ATP13A3: variants seen among roughly 807,000 people sequenced by gnomAD.
The protein encoded by ATP13A3 is ATPase 13A3, also known as polyamine-transporting ATPase 13A3.
ATP13A3 carries 59 observed loss-of-function variants against 158.1 expected under a neutral mutation model. The ratio of observed to expected loss-of-function variants is 0.37; its 90% CI spans 0.30 to 0.46. The LOEUF (loss-of-function observed/expected upper bound fraction) is 0.46, where lower values mean the gene tolerates loss of function less well. Among genes scored for constraint, ATP13A3 ranks in the 20% least tolerant of loss-of-function variants. The pLI is 1.00. For synonymous variants in ATP13A3, 491 were observed against 504.3 expected (o/e 0.97, Z 0.35); for missense variants, 1,166 against 1,525.2 (o/e 0.76, Z 3.92).
At chr3:194,445,913 A>C (rs1718369337) in intron 14 of ATP13A3, among the ~76,000 whole-genome samples, 1 of 152,214 alleles carries the variant, frequency 6.6e-6, no homozygotes, top group Admixed American at 6.5e-5. Context: ...TTTCACATAA[A>C]ATCAGTGACC....
chr3:194,438,974 T>TG lies in ATP13A3; in HGVS notation c.1711-3dup, dbSNP rs760022533. 6.5e-6 allele frequency: 10 copies of TG among 1,549,518 alleles called. No homozygotes were observed. The African/African-American group carries it at 1.3e-4, about 20-fold the overall frequency. Reference sequence around the variant, plus strand: ...TTCTTCAGTTGCTTCTTCCAGAATCTGGAAAAAAAAAAGAGACAAAAAAAA... The same window carrying TG: ...TTCTTCAGTTGCTTCTTCCAGAATCTGGGAAAAAAAAAAGAGACAAAAAAAA... On this transcript the variant is annotated splice_region_variant and splice_polypyrimidine_tract_variant and intron_variant, in intron 16 of 33. Transcript: ENST00000645319.
rs1228588078 is a variant in ATP13A3, at chr3:194,483,426, C to CAAAAAAAA, written c.-47+2360_-47+2367dup. 3.0e-4 allele frequency among the ~76,000 whole-genome samples: 36 copies of CAAAAAAAA among 120,378 alleles called. 1 individual carries two copies. Among genetic ancestry groups the CAAAAAAAA allele is most frequent in the Middle Eastern group, 5.0e-3 (1 of 202 alleles). The allele number at this position is 120,378 out of a possible 152,430, so 79.0% of individuals were successfully genotyped here. On this transcript the variant is annotated intron_variant, in intron 2 of 33. Transcript: ENST00000645319. ...GCAACACGGTGAAAACCCACCTCTA[C>CAAAAAAAA]AAAAAAAAAAAAAACTAGCTGGGTG...
At chr3:194,464,325 C>T (rs1018390927) in intron 2 of ATP13A3, among the ~76,000 whole-genome samples, 1 of 152,198 alleles carries the variant, frequency 6.6e-6, no homozygotes, top group Non-Finnish European at 1.5e-5. Context: ...AGAAACCTTA[C>T]ACACTATCGG....
chr3:194,490,459 C>A (rs1177940995), upstream of ATP13A3, among the ~76,000 whole-genome samples: 9 of 152,212 alleles, frequency 5.9e-5, no homozygotes, highest in African/African-American at 2.2e-4. This position sits in a 1 kb window ranked among gnomAD's most constrained non-coding sequence, Gnocchi z 4.4. Context: ...TGATAACATA[C>A]TCTATTTTGG....
rs76983821 is a variant in ATP13A3 at position 194,442,406 on chromosome 3, T to G, written c.1560-945A>C. On this transcript the variant is annotated intron_variant, in intron 15 of 33. Transcript: ENST00000645319. ...TGAGGCCAGGAGTTCAAAACCAGCC[T>G]GGGAAATATAGCGAGACACCCATAC... Among the ~76,000 whole-genome samples the G allele has an allele frequency of 7.2e-4, 110 of 152,228 alleles. 3 individuals carry two copies. The East Asian group carries it at 0.02, about 28-fold the overall frequency.
intron 2 of ATP13A3, among the ~76,000 whole-genome samples, chr3:194,463,560 C>T (rs1463264205): frequency 2.0e-5 from 3 of 152,032 alleles, no homozygotes; most frequent in Admixed American, 6.6e-5. Context: ...TTCAGCCCCC[C>T]GAGTGTGATA....
intron 17 of ATP13A3, among the ~76,000 whole-genome samples, chr3:194,438,185 G>C (rs1026193265): frequency 2.0e-5 from 3 of 151,990 alleles, no homozygotes; most frequent in Non-Finnish European, 2.9e-5. Context: ...ACTCTGGAAA[G>C]AACAAATATA....
At chr3:194,465,570 G>A (rs150073280) in intron 2 of ATP13A3, among the ~76,000 whole-genome samples, 246 of 152,218 alleles carry the variant, frequency 1.6e-3, no homozygotes, top group Middle Eastern at 3.4e-3. Context: ...GGGTATTCGG[G>A]TTTTTGCTTT....
chr3:194,457,015 A>G (rs1392763436), intron 7 of ATP13A3, 79 bp downstream of exon 7: 2 of 981,862 alleles, frequency 2.0e-6, no homozygotes, highest in East Asian at 2.5e-5. Context: ...ATGTACAACT[A>G]TATGGTAAAG....
At position 194,448,700 on chromosome 3, in the gene ATP13A3, A is replaced by G; in HGVS notation, c.971-64T>C. The G allele has an allele frequency of 6.8e-7, 1 of 1,461,392 alleles. No homozygotes were observed. The highest frequency in any genetic ancestry group is 1.4e-5 in the African/African-American group (1 of 70,324). The allele number at this position is 1,461,392 out of a possible 1,614,324, so 90.5% of individuals were successfully genotyped here. On this transcript the variant is annotated intron_variant, in intron 11 of 33. Coordinates refer to ENST00000645319, the MANE Select transcript of ATP13A3 (RefSeq NM_001367549.1). This position sits in a 1 kb window ranked among gnomAD's most constrained non-coding sequence, Gnocchi z 4.0. Reference sequence around the variant, plus strand: ...ATTATTAAACGAAAGCACAGGAATCAGTATCGAACACCAAAAAATATTAAA... The same window carrying G: ...ATTATTAAACGAAAGCACAGGAATCGGTATCGAACACCAAAAAATATTAAA...
At position 194,404,195 on chromosome 3, in the gene ATP13A3, T is replaced by C. The variant is rs1244124307; in HGVS notation, c.*1724A>G. 6 of 428,692 alleles carry C rather than the reference T, an allele frequency of 1.4e-5. No individual in the cohort carries two copies. Among genetic ancestry groups the C allele is most frequent in the South Asian group, 5.0e-5 (3 of 59,426 alleles). 26.6% of individuals were successfully genotyped at this position (428,692 alleles called of 1,614,324 possible). A position where few individuals can be genotyped will look rare whatever the true frequency, so the allele number is the denominator to read the frequency against. On this transcript the variant is annotated 3_prime_UTR_variant, in exon 34 of 34. Coordinates refer to ENST00000645319, the MANE Select transcript of ATP13A3 (RefSeq NM_001367549.1). ...AAGAGGTCTAAGATGCATAGCTTCA[T>C]AGAATCATTCATGGAACAACTGTTA...
At chr3:194,491,803 T>C (rs1423702710), upstream of ATP13A3, among the ~76,000 whole-genome samples, 1 of 119,050 alleles carries the variant, frequency 8.4e-6, no homozygotes, top group Admixed American at 8.6e-5. Flanking sequence ...TGCCCCCTCA[T>C]CTCTCACCTG....
chr3:194,430,626 G>A (rs765109746), intron 24 of ATP13A3, among the ~76,000 whole-genome samples: 11 of 152,082 alleles, frequency 7.2e-5, no homozygotes, highest in Admixed American at 2.0e-4. Context: ...TACTTTTAAC[G>A]TTATCAGTAA....
rs940956047 is a variant in ATP13A3 at position 194,461,508 on chromosome 3, C to G, written c.51+632G>C. ...TTTACTAATTGTCCCAATACCACTG[C>G]GACTAATCAATTTGATCCACTGACA... On this transcript the variant is annotated intron_variant, in intron 3 of 33. Coordinates refer to ENST00000645319, the MANE Select transcript of ATP13A3 (RefSeq NM_001367549.1). Among the ~76,000 whole-genome samples, 4 of 152,280 alleles carry G rather than the reference C, an allele frequency of 2.6e-5. No homozygotes were observed. In the South Asian group the frequency reaches 6.2e-4, roughly 24 times the overall value.
At chr3:194,493,373 C>G (rs369707285) in intron 2 of ATP13A3, among the ~76,000 whole-genome samples, 1 of 151,950 alleles carries the variant, frequency 6.6e-6, no homozygotes, top group African/African-American at 2.4e-5. Context: ...TTTAGCTGAG[C>G]GCACGGCTCA....
At chr3:194,439,958 T>C (rs1398331398) in intron 16 of ATP13A3, among the ~76,000 whole-genome samples, 2 of 152,170 alleles carry the variant, frequency 1.3e-5, no homozygotes, top group African/African-American at 4.8e-5. Context: ...GAGGCCTCCT[T>C]TTCAGAATTA....
In ATP13A3 at chr3:194,412,283, G is replaced by A; in HGVS notation, c.3489C>T (p.Phe1163=). The change falls in exon 33 of 34, where the codon TTC becomes TTT. Residue 1163 remains phenylalanine (F), a synonymous_variant. Transcript: ENST00000645319. ...NAFVSITVEN[F]FLDMVLWKVV... ...CTTTCCAAAGGACCATGTCAAGGAAGAAGTTCTGAGAGATATTCCAGTGAG... is the reference window on the plus strand; with the variant it reads ...CTTTCCAAAGGACCATGTCAAGGAAAAAGTTCTGAGAGATATTCCAGTGAG... The A allele has an allele frequency of 6.5e-7, 1 of 1,535,628 alleles. No homozygotes were observed. Among genetic ancestry groups the A allele is most frequent in the Non-Finnish European group, 8.7e-7 (1 of 1,146,286 alleles).
intron 2 of ATP13A3, among the ~76,000 whole-genome samples, chr3:194,481,199 A>G (rs539353370): frequency 5.4e-4 from 81 of 151,292 alleles, no homozygotes; most frequent in African/African-American, 1.9e-3. Context: ...TAACTAAAAT[A>G]TATTTCATCC....
chr3:194,460,722 C>A lies in ATP13A3; in HGVS notation c.161G>T (p.Arg54Leu). 6.2e-7 allele frequency: 1 copy of A among 1,614,138 alleles called. No homozygotes were observed. ...AGCTCTGACACAGGTCGCTTTCACCCGCCACTCAGGCATCCAATAGAGGAG... is the reference window on the plus strand; with the variant it reads ...AGCTCTGACACAGGTCGCTTTCACCAGCCACTCAGGCATCCAATAGAGGAG... Reference protein sequence around the residue: ...LLLLYWMPEWRVKATCVRAAI... With the variant: ...LLLLYWMPEWLVKATCVRAAI... The change falls in exon 4 of 34, where the codon CGG becomes CTG. Residue 54 changes from arginine (R) to leucine (L), a missense_variant. Arg to Leu is a moderately radical substitution (Grantham distance 102, BLOSUM62 -2). Coordinates refer to ENST00000645319, the MANE Select transcript of ATP13A3 (RefSeq NM_001367549.1).
Sources: gnomAD v4.1 joint callset for allele counts (sites outside exome capture counted in the v4.1 genomes callset) on GRCh38, gnomAD v4.1.1 for gene constraint, Gnocchi (gnomAD v3.1) non-coding constraint, MANE v1.5 for transcripts, NCBI Gene and HGNC (gene_info 2026-07-23, HGNC 2026-07-21) for gene names.